The following BRF1 variants were observed in gnomAD, a reference collection of about 807,000 sequenced individuals.
BRF1 encodes the protein BRF1 general transcription factor IIIB subunit.
In BRF1, 59 loss-of-function variants were observed where a neutral mutation model predicts 81.7. The observed-to-expected ratio is 0.72, with a 90% CI of 0.59 to 0.90. The LOEUF (loss-of-function observed/expected upper bound fraction) is 0.90, where lower values mean the gene tolerates loss of function less well. Among genes scored for constraint, BRF1 ranks in the 40% least tolerant of loss-of-function variants. The pLI is 0.00. For missense variants in BRF1, 1,050 were observed against 936.3 expected, an observed-to-expected ratio of 1.12 and a Z score of -1.58; for synonymous variants, 491 against 395.6, an observed-to-expected ratio of 1.24 and a Z score of -2.86.
intron 5 of BRF1, chr14:105,248,074 C>T (rs1049593403): frequency 1.0e-6 from 1 of 985,350 alleles, no homozygotes; most frequent in Admixed American, 6.1e-5. Flanking sequence ...GCGCGACTAA[C>T]CTCTCTGTGC....
intron 5 of BRF1, chr14:105,249,062 C>T (rs1308920806): frequency 4.5e-6 from 6 of 1,319,616 alleles, no homozygotes; most frequent in African/African-American, 1.6e-5. Flanking sequence ...GCTGGCGGTG[C>T]TGCCGCCCCA....
intron 15 of BRF1, among the ~76,000 whole-genome samples, chr14:105,215,792 GCA>G (rs772305093): frequency 1.6e-4 from 14 of 85,568 alleles, no homozygotes; most frequent in South Asian, 3.9e-4. Context: ...ACACACACAT[GCA>G]CACACACTGC....
intron 16 of BRF1, 118 bp downstream of exon 16, chr14:105,211,995 G>C: frequency 7.0e-7 from 1 of 1,428,592 alleles, no homozygotes; most frequent in Non-Finnish European, 9.6e-7. Context: ...TGGGGCAGCA[G>C]GGGCAGGCGC....
chr14:105,214,886 C>T (rs1890824629), intron 15 of BRF1, among the ~76,000 whole-genome samples: 1 of 152,154 alleles, frequency 6.6e-6, no homozygotes, highest in South Asian at 2.1e-4. Flanking sequence ...TTTTCCTCAC[C>T]CGAGTGTGGG....
rs1566813347 is a variant in BRF1 at position 105,226,606 on chromosome 14, C to G, written c.915+28G>C. 3 of 1,612,336 alleles carry G rather than the reference C, an allele frequency of 1.9e-6. No homozygotes were observed. In the Admixed American group the frequency reaches 5.0e-5, roughly 27 times the overall value. ...TTCCCCCCAAGGCTGGCAAGCCCAG[C>G]ACAGACAGACACCAAAGCCGGCGCT... On this transcript the variant is annotated intron_variant, in intron 8 of 17. Transcript: ENST00000547530.
chr14:105,246,655 C>G (rs1040331924), intron 5 of BRF1, among the ~76,000 whole-genome samples: 9 of 151,586 alleles, frequency 5.9e-5, no homozygotes, highest in African/African-American at 2.4e-5. Flanking sequence ...TGGGGTTTCA[C>G]CATGTTGGCC....
chr14:105,302,415 C>G (rs2058067541), upstream of BRF1, among the ~76,000 whole-genome samples: 2 of 151,668 alleles, frequency 1.3e-5, no homozygotes, highest in Admixed American at 6.6e-5. Context: ...GTTGGTCAGG[C>G]CAGTCTTGAA....
At chr14:105,305,184 T>G (rs980495758), upstream of BRF1, among the ~76,000 whole-genome samples, 5 of 152,258 alleles carry the variant, frequency 3.3e-5, no homozygotes, top group South Asian at 2.1e-4. Flanking sequence ...GAGGATTGCT[T>G]GAGTCCAGGA....
At chr14:105,308,559 T>C (rs902429649) in intron 1 of BRF1, among the ~76,000 whole-genome samples, 2 of 148,258 alleles carry the variant, frequency 1.3e-5, no homozygotes, top group African/African-American at 2.5e-5. Context: ...CTTGGCTCAC[T>C]GCAACCTCCG....
chr14:105,265,900 CAAA>C (rs34375627), intron 3 of BRF1, among the ~76,000 whole-genome samples: 4 of 75,670 alleles, frequency 5.3e-5, no homozygotes, highest in Non-Finnish European at 2.5e-5. Context: ...GACTCCCTCT[CAAA>C]AAAAAAAAAA....
intron 5 of BRF1, 107 bp from the exon 6 acceptor site, chr14:105,241,521 C>T (rs1049761577): frequency 1.4e-6 from 2 of 1,392,994 alleles, no homozygotes; most frequent in Non-Finnish European, 9.8e-7. Context: ...CTTTCCAGGC[C>T]CCCAGGCCCC....
chr14:105,260,945 C>G (rs966909931), intron 3 of BRF1, among the ~76,000 whole-genome samples: 2 of 152,238 alleles, frequency 1.3e-5, no homozygotes, highest in Non-Finnish European at 2.9e-5. Context: ...GCCTACAGGT[C>G]CCCCAGCTAA....
At chr14:105,273,675 A>C (rs1332264848) in intron 2 of BRF1, among the ~76,000 whole-genome samples, 1 of 152,220 alleles carries the variant, frequency 6.6e-6, no homozygotes, top group Non-Finnish European at 1.5e-5. Flanking sequence ...AGGGCTGTGC[A>C]GGACGTGCCT....
chr14:105,256,602 C>G, intron 3 of BRF1, 53 bp from the exon 4 acceptor site: 2 of 1,601,900 alleles, frequency 1.2e-6, no homozygotes, highest in South Asian at 1.1e-5. Flanking sequence ...AGGTTACTCG[C>G]CCACCTTCAA....
chr14:105,228,607 C>A (rs777879115), intron 7 of BRF1, among the ~76,000 whole-genome samples: 2 of 151,962 alleles, frequency 1.3e-5, no homozygotes, highest in African/African-American at 4.8e-5. Context: ...GGGCCGGCCC[C>A]AGAAGGACTA....
At chr14:105,293,953 C>G (rs1211152507) in intron 1 of BRF1, among the ~76,000 whole-genome samples, 2 of 152,204 alleles carry the variant, frequency 1.3e-5, no homozygotes, top group South Asian at 2.1e-4. Context: ...AACGACAGCT[C>G]AGAGAGAAAG....
chr14:105,312,845 T>G (rs1357024194), intron 1 of BRF1, among the ~76,000 whole-genome samples: 1 of 152,210 alleles, frequency 6.6e-6, no homozygotes, highest in Non-Finnish European at 1.5e-5. Context: ...GTGTTTCGTG[T>G]CCCTGCTTTC....
chr14:105,218,880 C>G, intron 14 of BRF1, 118 bp downstream of exon 14: 1 of 1,443,270 alleles, frequency 6.9e-7, no homozygotes, highest in Non-Finnish European at 9.5e-7. Context: ...TGGCCTCCGG[C>G]TGCCTGCCCT....
intron 3 of BRF1, among the ~76,000 whole-genome samples, chr14:105,265,413 C>T (rs767414914): frequency 2.6e-5 from 4 of 152,306 alleles, no homozygotes; most frequent in African/African-American, 4.8e-5. Context: ...CATCTAGGTA[C>T]ATCAGAGTCA....
Sources: allele counts gnomAD v4.1 joint callset (sites outside exome capture counted in the v4.1 genomes callset), GRCh38; gene constraint gnomAD v4.1.1; transcripts MANE v1.5; gene names NCBI Gene and HGNC (gene_info 2026-07-23, HGNC 2026-07-21).